Variants in SLC16A12 observed in about 807,000 individuals in gnomAD.
SLC16A12 encodes solute carrier family 16 member 12.
In SLC16A12, 17 loss-of-function variants were observed where a neutral mutation model predicts 42.4. The observed-to-expected ratio is 0.40, with a 90% CI of 0.27 to 0.60. The LOEUF (loss-of-function observed/expected upper bound fraction) is 0.60. Among genes scored for constraint, SLC16A12 ranks in the 20% least tolerant of loss-of-function variants. SLC16A12 has a pLI of 0.42. For synonymous variants in SLC16A12, 224 were observed against 229.4 expected (o/e 0.98, Z 0.21); for missense variants, 544 against 623.0 (o/e 0.87, Z 1.35).
intron 2 of SLC16A12, among the ~76,000 whole-genome samples, chr10:89,515,755 T>C (rs1441410433): frequency 2.0e-5 from 3 of 152,140 alleles, no homozygotes; most frequent in Non-Finnish European, 4.4e-5. Context: ...ATGGAATTCA[T>C]AACTGTGGCC....
chr10:89,457,963 A>G (rs1484937697), intron 3 of SLC16A12, among the ~76,000 whole-genome samples: 4 of 152,172 alleles, frequency 2.6e-5, no homozygotes, highest in South Asian at 2.1e-4. Flanking sequence ...TAGAACATCC[A>G]TTGTGTCCCT....
intron 7 of SLC16A12, among the ~76,000 whole-genome samples, chr10:89,434,715 C>A (rs1841750562): frequency 6.6e-6 from 1 of 152,198 alleles, no homozygotes; most frequent in Admixed American, 6.5e-5. Context: ...GGTTATTTCT[C>A]TTTTGCCTGT....
At chr10:89,445,701 C>A (rs935660074) in intron 3 of SLC16A12, among the ~76,000 whole-genome samples, 9 of 152,174 alleles carry the variant, frequency 5.9e-5, no homozygotes, top group African/African-American at 2.2e-4. Context: ...TTCTTCTCCT[C>A]CAAAGGATCA....
intron 2 of SLC16A12, among the ~76,000 whole-genome samples, chr10:89,481,644 T>C (rs1319982691): frequency 1.4e-3 from 111 of 77,100 alleles, no homozygotes; most frequent in African/African-American, 3.8e-3. Context: ...TTTTTTTTCT[T>C]GTGTGTGTGT....
At chr10:89,534,673 C>CAAAAAAAAAAAAAAAA (rs1196402951) in intron 1 of SLC16A12, 33 bp from the exon 2 acceptor site, 2 of 122,722 alleles carry the variant, frequency 1.6e-5, no homozygotes, top group African/African-American at 6.4e-5. Context: ...AAAAAAAAAT[C>CAAAAAAAAAAAAAAAA]CAAAAATTAG....
intron 2 of SLC16A12, among the ~76,000 whole-genome samples, chr10:89,549,599 G>GTT (rs1028060145): frequency 6.6e-6 from 1 of 151,184 alleles, no homozygotes; most frequent in African/African-American, 2.4e-5. Context: ...AGTGTTTTGG[G>GTT]TTTTTTTTTA....
intron 2 of SLC16A12, among the ~76,000 whole-genome samples, chr10:89,481,072 G>A (rs151256074): frequency 1.7e-4 from 26 of 152,178 alleles, no homozygotes; most frequent in African/African-American, 6.3e-4. Flanking sequence ...CAGCTCTGAG[G>A]ACTGTATCAG....
intron 2 of SLC16A12, among the ~76,000 whole-genome samples, chr10:89,517,604 C>T (rs1015552374): frequency 1.3e-5 from 2 of 152,116 alleles, no homozygotes; most frequent in Non-Finnish European, 2.9e-5. Flanking sequence ...AGCCATTGCA[C>T]CTGGCTCCAA....
intron 2 of SLC16A12, among the ~76,000 whole-genome samples, chr10:89,546,824 A>G (rs1252404444): frequency 2.0e-5 from 3 of 152,256 alleles, no homozygotes; most frequent in African/African-American, 7.2e-5. Context: ...AAAATGTGGT[A>G]CATATACACC....
chr10:89,454,552 G>T (rs113664295), intron 3 of SLC16A12, among the ~76,000 whole-genome samples: 1 of 151,822 alleles, frequency 6.6e-6, no homozygotes, highest in African/African-American at 2.4e-5. Flanking sequence ...TCCTTTCTGC[G>T]CATCTGTTGG....
At chr10:89,460,219 T>C (rs1842274491) in intron 3 of SLC16A12, among the ~76,000 whole-genome samples, 1 of 152,152 alleles carries the variant, frequency 6.6e-6, no homozygotes, top group South Asian at 2.1e-4. Flanking sequence ...GAAGCTTCTA[T>C]ATGAAGGACC....
chr10:89,468,033 T>A (rs1589684779), intron 2 of SLC16A12: 2 of 152,360 alleles, frequency 1.3e-5, no homozygotes, highest in Non-Finnish European at 1.5e-5. Context: ...TAGGTGAGCA[T>A]CTTCTGTTTG....
intron 2 of SLC16A12, among the ~76,000 whole-genome samples, chr10:89,497,701 A>G (rs1396307678): frequency 6.6e-6 from 1 of 151,798 alleles, no homozygotes; most frequent in East Asian, 1.9e-4. Flanking sequence ...CTGTGCAGTT[A>G]CTGATTAAAG....
intron 3 of SLC16A12, among the ~76,000 whole-genome samples, chr10:89,457,536 T>C (rs1335980325): frequency 6.6e-6 from 1 of 152,210 alleles, no homozygotes; most frequent in Non-Finnish European, 1.5e-5. Context: ...CACAGGAATA[T>C]AGATTAGTTC....
rs532462101 is a variant in SLC16A12, at chr10:89,458,836, G to C, written c.200+3543C>G. 2.0e-5 allele frequency among the ~76,000 whole-genome samples: 3 copies of C among 152,290 alleles called. No homozygotes were observed. The South Asian group carries it at 6.2e-4, about 32-fold the overall frequency. ...CATGGGGTGATGGTAAATCAGGATG[G>C]ATTATCCCCTTCCTATAAATTGCAA... On this transcript the variant is annotated intron_variant, in intron 3 of 7. Transcript: ENST00000371790.
intron 2 of SLC16A12, among the ~76,000 whole-genome samples, chr10:89,489,145 C>T (rs1340293805): frequency 6.6e-6 from 1 of 152,010 alleles, no homozygotes; most frequent in Non-Finnish European, 1.5e-5. Flanking sequence ...CCAAGCTCAC[C>T]ATTTCATAGA....
chr10:89,454,135 C>T (rs188916039), intron 3 of SLC16A12, among the ~76,000 whole-genome samples: 2 of 152,020 alleles, frequency 1.3e-5, no homozygotes, highest in Non-Finnish European at 2.9e-5. Context: ...TCGCCTACCC[C>T]CTACCTCAGC....
At chr10:89,454,985 T>A (rs1020101625) in intron 3 of SLC16A12, among the ~76,000 whole-genome samples, 4 of 152,038 alleles carry the variant, frequency 2.6e-5, no homozygotes, top group African/African-American at 9.7e-5. Flanking sequence ...GGAGGAAGGA[T>A]TAAAGTTGGT....
At chr10:89,517,132 G>A (rs1843266376) in intron 2 of SLC16A12, among the ~76,000 whole-genome samples, 1 of 152,154 alleles carries the variant, frequency 6.6e-6, no homozygotes, top group Non-Finnish European at 1.5e-5. Flanking sequence ...GGATAAGGCA[G>A]GAGGATCCCT....
Sources: gnomAD v4.1 joint callset for allele counts (sites outside exome capture counted in the v4.1 genomes callset) on GRCh38, gnomAD v4.1.1 for gene constraint, MANE v1.5 for transcripts, NCBI Gene and HGNC (gene_info 2026-07-23, HGNC 2026-07-21) for gene names.